The following LAMA5 variants were observed in gnomAD, a reference collection of about 807,000 sequenced individuals.
LAMA5 encodes laminin subunit alpha 5, also known as laminin subunit alpha-5.
LAMA5 carries 260 observed loss-of-function variants against 433.4 expected under a neutral mutation model. That is an observed-to-expected ratio of 0.60 (90% CI 0.54 to 0.66). LAMA5 has a LOEUF of 0.66. Ranked by LOEUF, LAMA5 falls within the 30% of genes least tolerant of loss-of-function variation. The probability of loss-of-function intolerance (pLI) is 0.00; values close to 1 mark genes in which losing one functional copy is unlikely to be tolerated. For missense variants in LAMA5, 5,378 were observed against 5,258.5 expected, an observed-to-expected ratio of 1.02 and a Z score of -0.70; for synonymous variants, 2,620 against 2,226.6, an observed-to-expected ratio of 1.18 and a Z score of -4.97.
chr20:62,311,816 T>TGGCCCCCCCCC, intron 70 of LAMA5, 32 bp from the exon 71 acceptor site: 1 of 1,520,978 alleles, frequency 6.6e-7, no homozygotes, highest in Non-Finnish European at 8.9e-7. Flanking sequence ...GCTCGGTTTT[T>TGGCCCCCCCCC]CCCCACCCTG....
rs1297661724 is a variant in LAMA5, at chr20:62,319,019, G to A, written c.6872-6C>T. ...GCCCGTCTGGGACATGAGCTCTGTG[G>A]GGCAGGGGTTCGTCAGAGCCTGGGG... On this transcript the variant is annotated splice_region_variant and splice_polypyrimidine_tract_variant and intron_variant, in intron 51 of 79. Transcript: ENST00000252999. The A allele has an allele frequency of 4.5e-6, 7 of 1,562,764 alleles. No homozygotes were observed. Among genetic ancestry groups the A allele is most frequent in the East Asian group, 4.6e-5 (2 of 43,570 alleles).
At chr20:62,309,920 C>A in intron 78 of LAMA5, 68 bp downstream of exon 78, 1 of 1,605,728 alleles carries the variant, frequency 6.2e-7, no homozygotes, top group Non-Finnish European at 8.5e-7. Context: ...CACCCAGAGT[C>A]CCGCCTGGCT....
At position 62,311,386 on chromosome 20, in the gene LAMA5, C is replaced by T. The variant is rs41310040; in HGVS notation, c.9942+15G>A. 681 of 1,546,712 alleles carry T rather than the reference C, an allele frequency of 4.4e-4. No individual in the cohort carries two copies. The highest frequency in any genetic ancestry group is 5.3e-4 in the Non-Finnish European group (602 of 1,144,516). On this transcript the variant is annotated intron_variant, in intron 72 of 79. Coordinates refer to ENST00000252999, the MANE Select transcript of LAMA5 (RefSeq NM_005560.6). ...AGCCACCCCAGCTCTGCCTGCTCAC[C>T]CCTGGGGTGCCCACCTTCCGGGCGG... is the stretch of plus-strand genomic sequence containing the variant.
Position 62,324,213 on chromosome 20 carries a change from G to C in LAMA5, c.5644-9C>G. 6.3e-7 allele frequency: 1 copy of C among 1,578,444 alleles called. No homozygotes were observed. Among genetic ancestry groups the C allele is most frequent in the South Asian group, 1.2e-5 (1 of 85,564 alleles). On this transcript the variant is annotated splice_polypyrimidine_tract_variant and intron_variant, in intron 42 of 79. Coordinates refer to ENST00000252999, the MANE Select transcript of LAMA5 (RefSeq NM_005560.6). This position sits in a 1 kb window ranked among gnomAD's most constrained non-coding sequence, Gnocchi z 4.4. ...GTGTTGTGCTGGCAGTCCTGGGGCA[G>C]AGTGGACAGTCAGAGCTATGGTGGA...
intron 40 of LAMA5, among the ~76,000 whole-genome samples, chr20:62,325,759 T>G (rs568936286): frequency 6.6e-6 from 1 of 152,268 alleles, no homozygotes; most frequent in Admixed American, 6.5e-5. Flanking sequence ...TCCAGATGCC[T>G]TAAGAATTGA....
chr20:62,344,894 G>A (rs1983116181), intron 11 of LAMA5, among the ~76,000 whole-genome samples: 1 of 152,230 alleles, frequency 6.6e-6, no homozygotes, highest in Admixed American at 6.5e-5. Flanking sequence ...TTACAGGATT[G>A]TGGTTGGGAT....
At position 62,333,944 on chromosome 20, in the gene LAMA5, C is replaced by T; in HGVS notation, c.2835G>A (p.Arg945=). ...VNRGAMSVSG[R]VSVREEGRSA... is the part of the protein sequence containing the mutation. ...ACCTGCCCTCCTCTCGCACAGAGAC[C>T]CGCCCGCTCACACTCATGGCCCCCC... The change falls in exon 23 of 80, where the codon CGG becomes CGA. Residue 945 remains arginine (R), a synonymous_variant. Transcript: ENST00000252999. The T allele has an allele frequency of 6.2e-7, 1 of 1,612,192 alleles. No individual in the cohort carries two copies. The highest frequency in any genetic ancestry group is 8.5e-7 in the Non-Finnish European group (1 of 1,179,602).
chr20:62,366,917 GA>G (rs781030957), intron 1 of LAMA5, 31 bp downstream of exon 1: 1 of 1,246,526 alleles, frequency 8.0e-7, no homozygotes. Context: ...AGTGCCCCGG[GA>G]GGAAGCCCCA....
chr20:62,358,835 T>C (rs1568985982), intron 2 of LAMA5, among the ~76,000 whole-genome samples: 1 of 152,140 alleles, frequency 6.6e-6, no homozygotes, highest in Non-Finnish European at 1.5e-5. Context: ...AGCAGAGCTT[T>C]GCCTCCTTGT....
In LAMA5 at chr20:62,334,179, C is replaced by A; in HGVS notation, c.2739+7G>T. The A allele has an allele frequency of 1.2e-6, 2 of 1,610,652 alleles. No homozygotes were observed. Among genetic ancestry groups the A allele is most frequent in the Non-Finnish European group, 1.7e-6 (2 of 1,178,404 alleles). Reference sequence around the variant, plus strand: ...GCTGAGCCTGGGAGGGGGAGCACAGCGCCCACCTGGACAGGTGCCATCTGC... The same window carrying A: ...GCTGAGCCTGGGAGGGGGAGCACAGAGCCCACCTGGACAGGTGCCATCTGC... On this transcript the variant is annotated splice_region_variant and intron_variant, in intron 22 of 79. Transcript: ENST00000252999.
chr20:62,314,252 G>A (rs1455836022), intron 62 of LAMA5, 52 bp downstream of exon 62: 50 of 1,579,302 alleles, frequency 3.2e-5, no homozygotes, highest in Middle Eastern at 1.9e-4. Flanking sequence ...GATGGCGAAC[G>A]GGCAAGGGCC....
chr20:62,358,126 T>C (rs948977027), intron 2 of LAMA5, among the ~76,000 whole-genome samples: 26 of 152,188 alleles, frequency 1.7e-4, no homozygotes, highest in Non-Finnish European at 2.5e-4. Context: ...CTGGGGCATC[T>C]CTGTGCCCTG....
chr20:62,347,385 G>T (rs1983559799), intron 6 of LAMA5, among the ~76,000 whole-genome samples: 1 of 152,156 alleles, frequency 6.6e-6, no homozygotes, highest in Non-Finnish European at 1.5e-5. Context: ...CCCCTTGCCT[G>T]CAGGTCAGGA....
chr20:62,352,494 C>A, intron 3 of LAMA5, 134 bp from the exon 4 acceptor site: 1 of 668,944 alleles, frequency 1.5e-6, no homozygotes, highest in East Asian at 2.7e-5. Flanking sequence ...TGACAGAGAC[C>A]ACAGCTCACT....
chr20:62,337,187 TTATGCGATACGC>T (rs1981791155), intron 16 of LAMA5, among the ~76,000 whole-genome samples: 2 of 92,228 alleles, frequency 2.2e-5, no homozygotes, highest in African/African-American at 8.5e-5. Context: ...GCGCACCCAC[TTATGCGATACGC>T]GCACCCACTT....
rs1328167270 is a variant in LAMA5 at position 62,354,992 on chromosome 20, C to T, written c.451-1741G>A. On this transcript the variant is annotated intron_variant, in intron 2 of 79. Transcript: ENST00000252999. ...GGGAGAGAGGCAACTCATGGACCCA[C>T]AGCACAGGTGTGGCCTGCCTGTCCC... Among the ~76,000 whole-genome samples, 4 of 152,228 alleles carry T rather than the reference C, an allele frequency of 2.6e-5. 1 individual carries two copies. The highest frequency in any genetic ancestry group is 5.9e-5 in the Non-Finnish European group (4 of 68,018).
chr20:62,358,152 C>T (rs527440758), intron 2 of LAMA5, among the ~76,000 whole-genome samples: 18 of 152,266 alleles, frequency 1.2e-4, no homozygotes, highest in East Asian at 3.9e-4. Flanking sequence ...CAGGTCTGGC[C>T]GTGCAGCCAC....
In LAMA5 at chr20:62,312,331, T is replaced by C. The variant is rs748139408; in HGVS notation, c.9361-15A>G. 1 of 1,606,664 alleles carries C rather than the reference T, an allele frequency of 6.2e-7. No homozygotes were observed. Among genetic ancestry groups the C allele is most frequent in the African/African-American group, 1.3e-5 (1 of 74,874 alleles). On this transcript the variant is annotated splice_polypyrimidine_tract_variant and intron_variant, in intron 68 of 79. Transcript: ENST00000252999. ...GCGCGCCCCACCTGCGGGGAGGCCA[T>C]CCCTGAGTGCCCGCGGGTGCCCCTG...
intron 30 of LAMA5, 49 bp downstream of exon 30, chr20:62,330,694 C>A: frequency 2.6e-6 from 4 of 1,556,660 alleles, no homozygotes; most frequent in Non-Finnish European, 3.5e-6. Context: ...GGTTGGGACC[C>A]GGAGTCCTGC....
Sources: allele counts gnomAD v4.1 joint callset (sites outside exome capture counted in the v4.1 genomes callset), GRCh38; gene constraint gnomAD v4.1.1; non-coding constraint Gnocchi (gnomAD v3.1); transcripts MANE v1.5; gene names NCBI Gene and HGNC (gene_info 2026-07-23, HGNC 2026-07-21).